ADK: variants seen among roughly 807,000 people sequenced by gnomAD.
ADK encodes adenosine kinase, also known as N6,N6-dimethyladenosine kinase.
ADK carries 24 observed loss-of-function variants against 44.7 expected under a neutral mutation model. That is an observed-to-expected ratio of 0.54 (90% confidence interval 0.39 to 0.76). The LOEUF is 0.76. ADK is among the 30% of genes least tolerant of loss of function. The probability of loss-of-function intolerance (pLI) is 0.00; values close to 1 mark genes in which losing one functional copy is unlikely to be tolerated. For missense variants in ADK, 321 were observed against 425.1 expected (o/e 0.76, Z 2.15); for synonymous variants, 128 against 142.6 (o/e 0.90, Z 0.73).
chr10:74,164,231 T>C (rs1480536915), intron 1 of ADK, among the ~76,000 whole-genome samples: 1 of 152,206 alleles, frequency 6.6e-6, no homozygotes, highest in Non-Finnish European at 1.5e-5. Context: ...TAGTATAAAA[T>C]GTTTATTAAA....
chr10:74,641,409 A>G, intron 9 of ADK: 1 of 152,216 alleles, frequency 6.6e-6, no homozygotes, highest in East Asian at 1.9e-4. Flanking sequence ...AGAAAGGGGC[A>G]GCTGCCATGC....
chr10:74,392,372 G>A (rs1387677887), intron 4 of ADK, among the ~76,000 whole-genome samples: 3 of 152,088 alleles, frequency 2.0e-5, no homozygotes, highest in Non-Finnish European at 2.9e-5. Context: ...AGTGTGAAGT[G>A]ATATCTCATT....
intron 3 of ADK, among the ~76,000 whole-genome samples, chr10:74,240,078 G>C (rs986024559): frequency 2.6e-5 from 4 of 151,042 alleles, no homozygotes; most frequent in Non-Finnish European, 5.9e-5. Context: ...ATAGTGGCAC[G>C]ATCTGAGCTC....
At chr10:74,265,456 C>T (rs1199968387) in intron 3 of ADK, among the ~76,000 whole-genome samples, 1 of 152,102 alleles carries the variant, frequency 6.6e-6, no homozygotes, top group Non-Finnish European at 1.5e-5. Flanking sequence ...CCTCGTGATC[C>T]ACCTGCCTTG....
intron 7 of ADK, among the ~76,000 whole-genome samples, chr10:74,546,331 A>T (rs779374067): frequency 6.6e-6 from 1 of 152,200 alleles, no homozygotes; most frequent in Admixed American, 6.5e-5. Flanking sequence ...TGTGATTTCA[A>T]TGCAGTAATT....
rs988956347 is a variant in ADK at position 74,615,769 on chromosome 10, C to T, written c.877+15276C>T. ...TGTCGCCCAGGCTGGAGTGCAGTGGCGGGATCTCGGCTCACTGCAATCTCC... is the reference window on the plus strand; with the variant it reads ...TGTCGCCCAGGCTGGAGTGCAGTGGTGGGATCTCGGCTCACTGCAATCTCC... On this transcript the variant is annotated intron_variant, in intron 9 of 10. Coordinates refer to ENST00000539909, the MANE Select transcript of ADK (RefSeq NM_006721.4). Among the ~76,000 whole-genome samples the T allele has an allele frequency of 8.5e-5, 13 of 152,160 alleles. No individual in the cohort carries two copies. In the East Asian group the frequency reaches 1.2e-3, roughly 14 times the overall value.
At chr10:74,610,856 A>T (rs1852514135) in intron 9 of ADK, among the ~76,000 whole-genome samples, 1 of 152,090 alleles carries the variant, frequency 6.6e-6, no homozygotes, top group Admixed American at 6.6e-5. Context: ...AAAAGTAAAT[A>T]TATATATGTA....
At chr10:74,192,986 A>G (rs979344590) in intron 1 of ADK, among the ~76,000 whole-genome samples, 6 of 152,316 alleles carry the variant, frequency 3.9e-5, no homozygotes, top group Non-Finnish European at 8.8e-5. Context: ...CTAAACTAAG[A>G]TTATGTATTT....
chr10:74,269,111 T>G (rs1314688230), intron 3 of ADK, among the ~76,000 whole-genome samples: 1 of 152,202 alleles, frequency 6.6e-6, no homozygotes, highest in African/African-American at 2.4e-5. Context: ...ACATTCATCT[T>G]TATTAGAAAA....
intron 10 of ADK, among the ~76,000 whole-genome samples, chr10:74,685,464 A>G (rs1855753066): frequency 6.6e-6 from 1 of 152,246 alleles, no homozygotes; most frequent in South Asian, 2.1e-4. Context: ...ATCTGTGCAT[A>G]TAGTTCTAAG....
At chr10:74,683,457 C>T (rs1468526306) in intron 10 of ADK, among the ~76,000 whole-genome samples, 1 of 152,106 alleles carries the variant, frequency 6.6e-6, no homozygotes, top group Non-Finnish European at 1.5e-5. Context: ...TTGAAATGTC[C>T]TCCCAAATGT....
At chr10:74,535,339 T>G (rs1361892685) in intron 7 of ADK, among the ~76,000 whole-genome samples, 1 of 152,084 alleles carries the variant, frequency 6.6e-6, no homozygotes, top group Non-Finnish European at 1.5e-5. Context: ...GGCACACACT[T>G]GTATTCCCAG....
chr10:74,603,662 G>A (rs1275829135), intron 9 of ADK, among the ~76,000 whole-genome samples: 1 of 152,150 alleles, frequency 6.6e-6, no homozygotes, highest in Non-Finnish European at 1.5e-5. Flanking sequence ...TATCATTGAT[G>A]GGCATTTGGG....
chr10:74,222,288 A>T lies in ADK; in HGVS notation c.141-2250A>T, dbSNP rs531651789. On this transcript the variant is annotated intron_variant, in intron 2 of 10. Coordinates refer to ENST00000539909, the MANE Select transcript of ADK (RefSeq NM_006721.4). Reference sequence around the variant, plus strand: ...CTCACCATCACTGGCCATCAGAGAAATGCAAATCAAAACCACAGTGAGATA... The same window carrying T: ...CTCACCATCACTGGCCATCAGAGAATTGCAAATCAAAACCACAGTGAGATA... Among the ~76,000 whole-genome samples the T allele has an allele frequency of 3.3e-5, 5 of 152,314 alleles. No homozygotes were observed. The South Asian group carries it at 8.3e-4, about 25-fold the overall frequency.
intron 3 of ADK, among the ~76,000 whole-genome samples, chr10:74,295,054 A>G (rs1201341875): frequency 2.0e-5 from 3 of 151,278 alleles, no homozygotes; most frequent in Non-Finnish European, 1.5e-5. Context: ...CTGGGGTTTC[A>G]CCCTGTTGGC....
In ADK at chr10:74,216,665, C is replaced by T. The variant is rs182330159; in HGVS notation, c.141-7873C>T. Among the ~76,000 whole-genome samples the T allele has an allele frequency of 7.2e-3, 1,071 of 147,848 alleles. 8 individuals are homozygous for T. The highest frequency in any genetic ancestry group is 0.013 in the Non-Finnish European group (870 of 67,584). Reference sequence around the variant, plus strand: ...GCTTGAACCCAGCAGGCAGAGGTTGCGGTGAGCCACAATCATGCCACTGTA... The same window carrying T: ...GCTTGAACCCAGCAGGCAGAGGTTGTGGTGAGCCACAATCATGCCACTGTA... On this transcript the variant is annotated intron_variant, in intron 2 of 10. Transcript: ENST00000539909.
In ADK at chr10:74,364,687, GGTGTGTGTGTGTGTGTGTGTGTGTGT is replaced by G. The variant is rs58295310; in HGVS notation, c.274-29425_274-29400del. Among the ~76,000 whole-genome samples the G allele has an allele frequency of 1.2e-4, 17 of 136,460 alleles. No individual in the cohort carries two copies. The East Asian group carries it at 1.6e-3, about 12-fold the overall frequency. The allele number at this position is 136,460 out of a possible 152,430, so 89.5% of individuals were successfully genotyped here. ...TCCTTTATCTTTAGGCAAAGGCTAT[GGTGTGTGTGTGTGTGTGTGTGTGTGT>G]GTGTGTGTGTGTGTGTGTGTGTGTG... On this transcript the variant is annotated intron_variant, in intron 4 of 10. Coordinates refer to ENST00000539909, the MANE Select transcript of ADK (RefSeq NM_006721.4).
chr10:74,603,831 T>C (rs1460723492), intron 9 of ADK, among the ~76,000 whole-genome samples: 3 of 152,218 alleles, frequency 2.0e-5, no homozygotes, highest in Non-Finnish European at 2.9e-5. Flanking sequence ...CCACACTGTT[T>C]TCCACAATGG....
In ADK at chr10:74,563,425, C is replaced by T. The variant is rs891293974; in HGVS notation, c.727-25857C>T. 3.9e-5 allele frequency among the ~76,000 whole-genome samples: 6 copies of T among 152,230 alleles called. No homozygotes were observed. The South Asian group carries it at 1.2e-3, about 32-fold the overall frequency. Reference sequence around the variant, plus strand: ...ATGCCTCCATATCTCAGTTAGATCTCCCTTAAAAATCTCTTCTGTGTTACT... The same window carrying T: ...ATGCCTCCATATCTCAGTTAGATCTTCCTTAAAAATCTCTTCTGTGTTACT... On this transcript the variant is annotated intron_variant, in intron 7 of 10. Coordinates refer to ENST00000539909, the MANE Select transcript of ADK (RefSeq NM_006721.4).
Sources: allele counts gnomAD v4.1 joint callset (sites outside exome capture counted in the v4.1 genomes callset), GRCh38; gene constraint gnomAD v4.1.1; transcripts MANE v1.5; gene names NCBI Gene and HGNC (gene_info 2026-07-23, HGNC 2026-07-21).